Variants in PTCHD4 observed in about 807,000 individuals in gnomAD.
PTCHD4 encodes patched domain-containing protein 4.
Under a neutral mutation model 58.1 loss-of-function variants are expected in PTCHD4, and 33 were observed. The ratio of observed to expected loss-of-function variants is 0.57; its 90% confidence interval spans 0.43 to 0.76. The LOEUF is 0.76. Among genes scored for constraint, PTCHD4 ranks in the 30% least tolerant of loss-of-function variants. The pLI is 0.00. For synonymous variants in PTCHD4, 478 were observed against 409.6 expected (o/e 1.17, Z -2.02); for missense variants, 1,058 against 1,027.1 (o/e 1.03, Z -0.41).
intron 3 of PTCHD4, among the ~76,000 whole-genome samples, chr6:48,025,898 G>A (rs924774048): frequency 6.6e-6 from 1 of 151,980 alleles, no homozygotes. Context: ...TCAGGGACAG[G>A]GCTACTCAAT....
At chr6:47,939,970 T>C (rs1462081271) in intron 4 of PTCHD4, among the ~76,000 whole-genome samples, 1 of 152,026 alleles carries the variant, frequency 6.6e-6, no homozygotes, top group Non-Finnish European at 1.5e-5. Flanking sequence ...TGACTCCCCA[T>C]AACAAAGGGA....
At chr6:47,978,790 TC>T (rs1767783494) in intron 4 of PTCHD4, among the ~76,000 whole-genome samples, 1 of 152,160 alleles carries the variant, frequency 6.6e-6, no homozygotes, top group African/African-American at 2.4e-5. Context: ...ACTGAATTTT[TC>T]CATGTTTCTT....
chr6:47,891,280 G>T (rs575518346), intron 4 of PTCHD4, among the ~76,000 whole-genome samples: 29 of 149,952 alleles, frequency 1.9e-4, no homozygotes, highest in African/African-American at 6.6e-4. Context: ...AGGGCTGGGT[G>T]CTGTCAAGTA....
chr6:47,988,923 A>T (rs1768178919), intron 4 of PTCHD4, among the ~76,000 whole-genome samples: 1 of 152,250 alleles, frequency 6.6e-6, no homozygotes, highest in Admixed American at 6.5e-5. Flanking sequence ...GGTAACAGGC[A>T]GAGGTTGGAA....
intron 4 of PTCHD4, among the ~76,000 whole-genome samples, chr6:47,927,883 A>C (rs568328605): frequency 1.3e-5 from 2 of 151,928 alleles, no homozygotes; most frequent in Admixed American, 1.3e-4. Flanking sequence ...TCGGCCTTCT[A>C]AAGTGCTGGG....
intron 4 of PTCHD4, among the ~76,000 whole-genome samples, chr6:48,005,566 C>A (rs946038069): frequency 1.3e-5 from 2 of 152,176 alleles, no homozygotes; most frequent in African/African-American, 2.4e-5. Context: ...CACATTCCAC[C>A]TCACCACCTT....
At chr6:48,029,879 T>A (rs1456437879) in intron 3 of PTCHD4, among the ~76,000 whole-genome samples, 2 of 152,064 alleles carry the variant, frequency 1.3e-5, no homozygotes, top group Admixed American at 6.6e-5. Flanking sequence ...AAGCTTACAA[T>A]GTCCCTTGAA....
intron 1 of PTCHD4, among the ~76,000 whole-genome samples, chr6:48,079,953 C>A: frequency 6.8e-6 from 1 of 147,536 alleles, no homozygotes; most frequent in African/African-American, 2.5e-5. Flanking sequence ...CAATTCAAAA[C>A]CCTGCCCCTT....
intron 1 of PTCHD4, among the ~76,000 whole-genome samples, chr6:48,080,508 T>C (rs936414166): frequency 6.6e-6 from 1 of 152,222 alleles, no homozygotes; most frequent in Admixed American, 6.5e-5. Context: ...TTCTATTGTA[T>C]TGAGGTAATC....
At position 47,861,686 on chromosome 6, in the gene PTCHD4, G is replaced by A. The variant is rs1436210856; in HGVS notation, c.*16617C>T. ...TAGCAGGTTAATTAGGTTAATAGCA[G>A]GCAAATAAATAATAACTCTAGTTTT... On this transcript the variant is annotated 3_prime_UTR_variant, in exon 5 of 5. Transcript: ENST00000339488. 6.6e-6 allele frequency among the ~76,000 whole-genome samples: 1 copy of A among 151,886 alleles called. No individual in the cohort carries two copies. The highest frequency in any genetic ancestry group is 2.4e-5 in the African/African-American group (1 of 41,416).
intron 4 of PTCHD4, among the ~76,000 whole-genome samples, chr6:47,897,573 C>T (rs1581844190): frequency 6.6e-6 from 1 of 152,210 alleles, no homozygotes; most frequent in East Asian, 1.9e-4. Context: ...AGACCTAATT[C>T]TCCCTTCAGG....
At chr6:48,016,781 T>A (rs1355309143) in intron 3 of PTCHD4, among the ~76,000 whole-genome samples, 1 of 151,832 alleles carries the variant, frequency 6.6e-6, no homozygotes, top group African/African-American at 2.4e-5. Flanking sequence ...AAAATTAAAG[T>A]GATAAGAGAG....
chr6:47,981,147 T>A (rs1767869597), intron 4 of PTCHD4, among the ~76,000 whole-genome samples: 1 of 152,192 alleles, frequency 6.6e-6, no homozygotes, highest in Non-Finnish European at 1.5e-5. Context: ...TCCATATTTC[T>A]ATTTTTTCTT....
chr6:47,898,677 G>T (rs1296131250), intron 4 of PTCHD4, among the ~76,000 whole-genome samples: 1 of 152,156 alleles, frequency 6.6e-6, no homozygotes, highest in Non-Finnish European at 1.5e-5. Context: ...TAGATAGGAG[G>T]ATACTTCTAC....
chr6:47,981,520 A>AT (rs1256834284), intron 4 of PTCHD4, among the ~76,000 whole-genome samples: 4 of 151,928 alleles, frequency 2.6e-5, no homozygotes, highest in South Asian at 2.1e-4. Flanking sequence ...ATGCATTGAG[A>AT]TTTTTTCTAT....
intron 1 of PTCHD4, among the ~76,000 whole-genome samples, chr6:48,082,986 A>C (rs1177051075): frequency 6.6e-6 from 1 of 151,798 alleles, no homozygotes; most frequent in Non-Finnish European, 1.5e-5. Flanking sequence ...TTAATATAAA[A>C]CTGTTACTAA....
intron 3 of PTCHD4, among the ~76,000 whole-genome samples, chr6:48,057,779 A>T (rs1265986726): frequency 6.6e-5 from 10 of 152,204 alleles, no homozygotes; most frequent in African/African-American, 2.4e-4. Flanking sequence ...AGGCTGAGCT[A>T]AGGGAAGTTC....
chr6:47,986,326 G>C (rs1219629627), intron 4 of PTCHD4, among the ~76,000 whole-genome samples: 3 of 152,072 alleles, frequency 2.0e-5, no homozygotes, highest in Non-Finnish European at 4.4e-5. Flanking sequence ...CCTGGTAAGT[G>C]TTCATCACTG....
At chr6:48,093,198 T>C (rs1166493778) in intron 1 of PTCHD4, among the ~76,000 whole-genome samples, 4 of 152,154 alleles carry the variant, frequency 2.6e-5, no homozygotes, top group African/African-American at 9.7e-5. Flanking sequence ...GAGTCACAGA[T>C]TTATAGAGAC....
Sources: gnomAD v4.1 joint callset for allele counts (sites outside exome capture counted in the v4.1 genomes callset) on GRCh38, gnomAD v4.1.1 for gene constraint, MANE v1.5 for transcripts, NCBI Gene and HGNC (gene_info 2026-07-23, HGNC 2026-07-21) for gene names.